The following POLG variants were observed in gnomAD, a reference collection of about 807,000 sequenced individuals.
POLG encodes DNA polymerase gamma, catalytic subunit.
POLG carries 110 observed loss-of-function variants against 155.4 expected under a neutral mutation model. That is an observed-to-expected ratio of 0.71 (90% CI 0.61 to 0.83). The LOEUF is 0.83. POLG is among the 40% of genes least tolerant of loss of function. POLG has a pLI of 0.00. For synonymous variants in POLG, 701 were observed against 631.5 expected (o/e 1.11, Z -1.65); for missense variants, 1,685 against 1,627.5 (o/e 1.04, Z -0.61).
intron 10 of POLG, among the ~76,000 whole-genome samples, chr15:89,324,764 C>T (rs1361721366): frequency 6.6e-6 from 1 of 152,256 alleles, no homozygotes; most frequent in East Asian, 1.9e-4. Flanking sequence ...TGGGGATAAC[C>T]ATTCTAGCTC....
At chr15:89,319,478 C>CT (rs1275463098) in intron 18 of POLG, 128 bp from the exon 19 acceptor site, 2 of 1,291,932 alleles carry the variant, frequency 1.5e-6, no homozygotes, top group Non-Finnish European at 2.2e-6. Context: ...CCCCTAAAGG[C>CT]TTTTATTCAG....
intron 10 of POLG, among the ~76,000 whole-genome samples, chr15:89,324,846 C>G (rs1051277745): frequency 1.3e-5 from 2 of 152,226 alleles, no homozygotes; most frequent in Admixed American, 6.5e-5. Context: ...TATATACACA[C>G]ACTTTTTTAA....
chr15:89,333,575 T>G lies in POLG; in HGVS notation c.180A>C (p.Gln60His). ...QQQQQQPQQP[Q>H]VLSSEGGQLR... ...GCTGCCCGCCCTCCGAGGATAGCACTTGCGGCTGCTGAGGCTGCTGTTGCT... is the reference window on the plus strand; with the variant it reads ...GCTGCCCGCCCTCCGAGGATAGCACGTGCGGCTGCTGAGGCTGCTGTTGCT... The change falls in exon 2 of 23, where the codon CAA becomes CAC. Residue 60 changes from glutamine to histidine, a missense_variant. Coordinates refer to ENST00000268124, the MANE Select transcript of POLG (RefSeq NM_002693.3). 6.2e-7 allele frequency: 1 copy of G among 1,609,964 alleles called. No homozygotes were observed. The highest frequency in any genetic ancestry group is 8.5e-7 in the Non-Finnish European group (1 of 1,178,826).
chr15:89,323,057 A>G (rs554337797), intron 13 of POLG, among the ~76,000 whole-genome samples, 155 bp from the exon 14 acceptor site: 4 of 151,810 alleles, frequency 2.6e-5, no homozygotes, highest in South Asian at 2.1e-4. Flanking sequence ...GCACGCGCGC[A>G]CGCACACACA....
rs74842339 is a variant in POLG, at chr15:89,317,351, T to C, written c.3643+25A>G. 2,155 of 1,612,292 alleles carry C rather than the reference T, an allele frequency of 1.3e-3. 31 individuals are homozygous for C. The African/African-American group carries it at 0.026, about 20-fold the overall frequency. On this transcript the variant is annotated intron_variant, in intron 22 of 22. Transcript: ENST00000268124. The stretch of plus-strand genomic sequence containing the variant: ...AGTCCACCTCAGATCCTATGTGTAA[T>C]GAGGAACAAATGTGTTGTGCTCACC...
intron 1 of POLG, among the ~76,000 whole-genome samples, chr15:89,334,197 C>G (rs1244156605): frequency 1.3e-5 from 2 of 152,262 alleles, no homozygotes; most frequent in Non-Finnish European, 2.9e-5. Context: ...TTCTGGCTCT[C>G]TCGAGCTGTG....
Position 89,319,264 on chromosome 15 carries a change from T to C in POLG, c.3068A>G (p.Gln1023Arg), listed in dbSNP as rs1364906906. The C allele has an allele frequency of 6.8e-6, 11 of 1,614,216 alleles. No individual in the cohort carries two copies. The highest frequency in any genetic ancestry group is 1.1e-5 in the South Asian group (1 of 91,088). ...DRTEGGWISL[Q>R]DLRKVQRETA... is the part of the protein sequence containing the mutation. ...TTCTCTCTGGACCTTGCGCAGATCC[T>C]GCAGGGAAATCCAGCCACCCTCAGT... The change falls in exon 19 of 23, where the codon CAG becomes CGG. Residue 1023 changes from glutamine to arginine, a missense_variant. Transcript: ENST00000268124.
intron 22 of POLG, 79 bp downstream of exon 22, chr15:89,317,297 A>T (rs2307427): frequency 1.4e-6 from 2 of 1,471,450 alleles, no homozygotes; most frequent in Admixed American, 1.7e-5. Flanking sequence ...TGGGGCCCCA[A>T]GTTTCCTGTT....
intron 18 of POLG, 122 bp downstream of exon 18, chr15:89,320,644 A>C: frequency 9.1e-7 from 1 of 1,100,660 alleles, no homozygotes; most frequent in Non-Finnish European, 1.3e-6. Context: ...CAGGTGTGGA[A>C]GGAGAGGGGC....
intron 10 of POLG, among the ~76,000 whole-genome samples, chr15:89,324,568 C>G (rs2055444810): frequency 6.6e-6 from 1 of 152,236 alleles, no homozygotes; most frequent in South Asian, 2.1e-4. Flanking sequence ...GCTCACCTAC[C>G]CTCGGGCTCA....
Position 89,321,993 on chromosome 15 carries a change from G to T in POLG, c.2449C>A (p.Pro817Thr). The change falls in exon 15 of 23, where the codon CCC (proline) becomes ACC (threonine). Residue 817 changes from proline to threonine, a missense_variant. Physicochemically the swap from Pro to Thr is conservative, Grantham distance 38. Transcript: ENST00000268124. The part of the protein sequence containing the change: ...RISSQMVVWL[P>T]RSALPRAVIR... The stretch of plus-strand genomic sequence containing the variant: ...ACAGCACGGGGCAGAGCTGACCTGG[G>T]CAGCCACACCACCATCTGGGAGCTG... 6.2e-7 allele frequency: 1 copy of T among 1,613,726 alleles called. No homozygotes were observed. The highest frequency in any genetic ancestry group is 8.5e-7 in the Non-Finnish European group (1 of 1,179,974).
chr15:89,325,085 A>AGAGTGAGTGAGT (rs761844984), intron 10 of POLG, among the ~76,000 whole-genome samples: 6 of 77,710 alleles, frequency 7.7e-5, no homozygotes, highest in African/African-American at 5.2e-4. Flanking sequence ...AGTGAGTGAG[A>AGAGTGAGTGAGT]GAGTGAGTGA....
intron 13 of POLG, 141 bp from the exon 14 acceptor site, chr15:89,323,043 G>C: frequency 1.5e-6 from 1 of 673,744 alleles, no homozygotes; most frequent in Admixed American, 2.6e-5. Flanking sequence ...TATCACGCAC[G>C]CGCGCACGCG....
At position 89,325,131 on chromosome 15, in the gene POLG, AGAGTGAGTGAGAGAGT is replaced by A. The variant is rs1197563671; in HGVS notation, c.1949+303_1949+318del. ...GAGAGAGAGTGAGTGAGTGAGTGAG[AGAGTGAGTGAGAGAGT>A]GAGTGAGTGAGTGAGTGAGTGAGAG... On this transcript the variant is annotated intron_variant, in intron 10 of 22. Coordinates refer to ENST00000268124, the MANE Select transcript of POLG (RefSeq NM_002693.3). Among the ~76,000 whole-genome samples, 66 of 44,674 alleles carry A rather than the reference AGAGTGAGTGAGAGAGT, an allele frequency of 1.5e-3. 6 individuals carry two copies. The highest frequency in any genetic ancestry group is 9.7e-3 in the East Asian group (13 of 1,338). The allele number at this position is 44,674 out of a possible 152,430, so 29.3% of individuals were successfully genotyped here. A position where few individuals can be genotyped will look rare whatever the true frequency, so the allele number is the denominator to read the frequency against.
At chr15:89,321,708 A>G in intron 16 of POLG, 28 bp downstream of exon 16, 1 of 1,496,784 alleles carries the variant, frequency 6.7e-7, no homozygotes, top group Non-Finnish European at 9.3e-7. Flanking sequence ...GAGGAAGAGC[A>G]GGGGCCAGAG....
At chr15:89,325,061 T>TGAGTGAGTGAGA (rs1187944784) in intron 10 of POLG, among the ~76,000 whole-genome samples, 3 of 70,126 alleles carry the variant, frequency 4.3e-5, no homozygotes, top group Admixed American at 1.3e-4. Flanking sequence ...AGTGAGAGAG[T>TGAGTGAGTGAGA]GAGTGAGTGA....
At chr15:89,332,626 G>C (rs902941566) in intron 2 of POLG, among the ~76,000 whole-genome samples, 1 of 150,252 alleles carries the variant, frequency 6.7e-6, no homozygotes, top group Admixed American at 6.6e-5. Context: ...GGGGGTGTTG[G>C]TCTGGCGTTT....
At chr15:89,333,034 G>A in intron 2 of POLG, 62 bp downstream of exon 2, 2 of 1,491,678 alleles carry the variant, frequency 1.3e-6, no homozygotes, top group South Asian at 2.9e-5. Context: ...AATGTTCACT[G>A]AAACAAACTA....
intron 14 of POLG, among the ~76,000 whole-genome samples, chr15:89,322,478 C>T (rs1219934588): frequency 1.3e-5 from 2 of 152,356 alleles, no homozygotes; most frequent in East Asian, 3.9e-4. Context: ...CAGCCATAGC[C>T]CACGGCTCCA....
Sources: allele counts gnomAD v4.1 joint callset (sites outside exome capture counted in the v4.1 genomes callset), GRCh38; gene constraint gnomAD v4.1.1; transcripts MANE v1.5; gene names NCBI Gene and HGNC (gene_info 2026-07-23, HGNC 2026-07-21).